Variants in ZFAND3 observed in about 807,000 individuals in gnomAD.
ZFAND3 encodes the protein AN1-type zinc finger protein 3.
ZFAND3 carries 10 observed loss-of-function variants against 29.6 expected under a neutral mutation model. The observed-to-expected ratio is 0.34, with a 90% CI of 0.21 to 0.57. The LOEUF is 0.57. Among genes scored for constraint, ZFAND3 ranks in the 20% least tolerant of loss-of-function variants. The pLI, the probability that ZFAND3 is intolerant of heterozygous loss-of-function variation, is 0.86. For synonymous variants in ZFAND3, 128 were observed against 112.6 expected (o/e 1.14, Z -0.87); for missense variants, 230 against 304.5 (o/e 0.76, Z 1.82).
At chr6:37,828,828 T>C (rs1763806517) in intron 1 of ZFAND3, among the ~76,000 whole-genome samples, 1 of 152,086 alleles carries the variant, frequency 6.6e-6, no homozygotes, top group South Asian at 2.1e-4. Context: ...TTTTTTGTAT[T>C]TTTAGTAGAG....
intron 2 of ZFAND3, among the ~76,000 whole-genome samples, chr6:38,036,262 G>A (rs1581858323): frequency 6.6e-6 from 1 of 152,304 alleles, no homozygotes; most frequent in Non-Finnish European, 1.5e-5. Flanking sequence ...AAGCCAGGCT[G>A]AAAGATAAAA....
chr6:37,879,029 T>A (rs1764843231), intron 1 of ZFAND3, among the ~76,000 whole-genome samples: 2 of 152,106 alleles, frequency 1.3e-5, no homozygotes, highest in South Asian at 4.1e-4. Flanking sequence ...ACAACTGGAG[T>A]CAGGAATCTC....
intron 2 of ZFAND3, among the ~76,000 whole-genome samples, chr6:37,976,362 A>G (rs1419987474): frequency 6.6e-6 from 1 of 152,102 alleles, no homozygotes; most frequent in Non-Finnish European, 1.5e-5. Context: ...TAGGTGGGTC[A>G]GTTGAGGTCA....
At chr6:38,148,253 AG>A (rs1248435187) in intron 5 of ZFAND3, among the ~76,000 whole-genome samples, 1 of 152,222 alleles carries the variant, frequency 6.6e-6, no homozygotes, top group Admixed American at 6.5e-5. Flanking sequence ...GCTTTGTCAA[AG>A]ATCAGCCGGC....
chr6:37,910,329 T>G (rs537907544), intron 1 of ZFAND3, among the ~76,000 whole-genome samples: 1 of 151,372 alleles, frequency 6.6e-6, no homozygotes, highest in African/African-American at 2.5e-5. Flanking sequence ...ATCCTGTTGG[T>G]AACTGGCATG....
chr6:37,904,218 G>T (rs186741504), intron 1 of ZFAND3, among the ~76,000 whole-genome samples: 13 of 152,164 alleles, frequency 8.5e-5, no homozygotes, highest in Non-Finnish European at 1.5e-5. Context: ...AGTTTGTCAT[G>T]TTATGCCACC....
intron 1 of ZFAND3, among the ~76,000 whole-genome samples, chr6:37,901,482 C>T (rs1765317459): frequency 6.6e-6 from 1 of 152,016 alleles, no homozygotes. Context: ...CGTGGTGGCA[C>T]ACACCTGTAG....
In ZFAND3 at chr6:37,862,859, G is replaced by A. The variant is rs552292000; in HGVS notation, c.71+42843G>A. ...AAATTTTGCTGGGAAAAAAAAATGG[G>A]TATTTTCCAGGGAAAATATTTGGGC... On this transcript the variant is annotated intron_variant, in intron 1 of 5. Coordinates refer to ENST00000287218, the MANE Select transcript of ZFAND3 (RefSeq NM_021943.3). Among the ~76,000 whole-genome samples the A allele has an allele frequency of 3.3e-5, 5 of 151,146 alleles. No homozygotes were observed. In the East Asian group the frequency reaches 9.7e-4, roughly 29 times the overall value.
At chr6:38,004,161 A>G (rs1487084131) in intron 2 of ZFAND3, among the ~76,000 whole-genome samples, 1 of 152,162 alleles carries the variant, frequency 6.6e-6, no homozygotes, top group East Asian at 1.9e-4. Context: ...TAGAAGATGC[A>G]GAGAGGCCAT....
At chr6:38,012,016 C>T (rs947315046) in intron 2 of ZFAND3, among the ~76,000 whole-genome samples, 1 of 152,046 alleles carries the variant, frequency 6.6e-6, no homozygotes, top group African/African-American at 2.4e-5. Flanking sequence ...TGTTATAGTA[C>T]TTTGAAACAA....
intron 2 of ZFAND3, among the ~76,000 whole-genome samples, chr6:37,940,746 G>T (rs1761797198): frequency 6.6e-6 from 1 of 152,072 alleles, no homozygotes; most frequent in Non-Finnish European, 1.5e-5. Context: ...ATTATCAAAG[G>T]TTGTTTTACA....
At chr6:37,877,801 C>T (rs944267871) in intron 1 of ZFAND3, among the ~76,000 whole-genome samples, 6 of 151,938 alleles carry the variant, frequency 3.9e-5, no homozygotes, top group Admixed American at 2.0e-4. Flanking sequence ...AGAGGAGATG[C>T]GGAGAGAGAA....
chr6:38,146,882 AG>A (rs1483467991), intron 5 of ZFAND3, among the ~76,000 whole-genome samples: 2 of 152,210 alleles, frequency 1.3e-5, no homozygotes, highest in African/African-American at 4.8e-5. Flanking sequence ...TAGGGCCATA[AG>A]GAAAGTGTAG....
intron 4 of ZFAND3, 64 bp downstream of exon 4, chr6:38,082,521 G>C: frequency 6.8e-7 from 1 of 1,480,886 alleles, no homozygotes; most frequent in South Asian, 1.2e-5. Flanking sequence ...TTAGCAACTG[G>C]TTCTAACTTG....
chr6:38,095,141 C>T (rs1203237826), intron 4 of ZFAND3, among the ~76,000 whole-genome samples: 6 of 152,104 alleles, frequency 3.9e-5, no homozygotes, highest in South Asian at 2.1e-4. Context: ...GTCAGGCCAC[C>T]GTGATACATG....
At chr6:37,871,330 T>C (rs1171422266) in intron 1 of ZFAND3, among the ~76,000 whole-genome samples, 1 of 152,244 alleles carries the variant, frequency 6.6e-6, no homozygotes, top group African/African-American at 2.4e-5. Context: ...GTTTCTTTGC[T>C]GAAATTTCCT....
At chr6:38,091,679 C>A (rs1028649217) in intron 4 of ZFAND3, among the ~76,000 whole-genome samples, 1 of 143,532 alleles carries the variant, frequency 7.0e-6, no homozygotes, top group Non-Finnish European at 1.5e-5. Context: ...ATGATACTGC[C>A]CATTAAGGAG....
intron 2 of ZFAND3, among the ~76,000 whole-genome samples, chr6:37,991,390 T>A (rs1365828709): frequency 6.6e-6 from 1 of 152,170 alleles, no homozygotes; most frequent in Non-Finnish European, 1.5e-5. Flanking sequence ...TTTCACTCTG[T>A]CACCCAGACT....
At position 37,910,583 on chromosome 6, in the gene ZFAND3, C is replaced by T. The variant is rs1765501985; in HGVS notation, c.72-19376C>T. On this transcript the variant is annotated intron_variant, in intron 1 of 5. Coordinates refer to ENST00000287218, the MANE Select transcript of ZFAND3 (RefSeq NM_021943.3). ...TCAAGCTAATTAACACCTCACACACCTATCATTTTTGGGGGGTGGGAACAT... is the reference window on the plus strand; with the variant it reads ...TCAAGCTAATTAACACCTCACACACTTATCATTTTTGGGGGGTGGGAACAT... 2.0e-5 allele frequency among the ~76,000 whole-genome samples: 3 copies of T among 152,196 alleles called. No individual in the cohort carries two copies. The South Asian group carries it at 6.2e-4, about 32-fold the overall frequency.
Sources: allele counts gnomAD v4.1 joint callset (sites outside exome capture counted in the v4.1 genomes callset), GRCh38; gene constraint gnomAD v4.1.1; transcripts MANE v1.5; gene names NCBI Gene and HGNC (gene_info 2026-07-23, HGNC 2026-07-21).